The following POLN variants were observed in gnomAD, a reference collection of about 807,000 sequenced individuals.
The protein encoded by POLN is DNA polymerase N.
Under a neutral mutation model 113.5 loss-of-function variants are expected in POLN, and 108 were observed. That is an observed-to-expected ratio of 0.95 (90% CI 0.81 to 1.12). The LOEUF (loss-of-function observed/expected upper bound fraction) is 1.12. POLN is among the 50% of genes most tolerant of loss of function. The pLI is 0.00. For missense variants in POLN, 1,097 were observed against 1,077.1 expected (o/e 1.02, Z -0.26); for synonymous variants, 386 against 391.5 (o/e 0.99, Z 0.17).
At chr4:2,119,253 C>T (rs988067273) in intron 19 of POLN, among the ~76,000 whole-genome samples, 1 of 152,214 alleles carries the variant, frequency 6.6e-6, no homozygotes, top group African/African-American at 2.4e-5. Flanking sequence ...GAGTTGAATG[C>T]ACAGCTGATA....
At chr4:2,197,481 C>A (rs1012548791) in intron 6 of POLN, among the ~76,000 whole-genome samples, 76 of 152,108 alleles carry the variant, frequency 5.0e-4, no homozygotes, top group African/African-American at 1.8e-3. Context: ...GACAGCCAGG[C>A]CACAGGAGGC....
At chr4:2,084,965 TTC>T (rs777313438) in intron 21 of POLN, among the ~76,000 whole-genome samples, 54 of 152,254 alleles carry the variant, frequency 3.5e-4, no homozygotes, top group Non-Finnish European at 7.1e-4. Context: ...GCCCACAACT[TTC>T]TCTTTCTTTA....
chr4:2,094,317 T>C (rs1451073490), intron 20 of POLN, among the ~76,000 whole-genome samples: 2 of 133,038 alleles, frequency 1.5e-5, no homozygotes, highest in Admixed American at 8.8e-5. Flanking sequence ...GAGCCGAGAT[T>C]GTGCCACTGC....
At chr4:2,141,818 C>T (rs1453288058) in intron 16 of POLN, among the ~76,000 whole-genome samples, 1 of 152,180 alleles carries the variant, frequency 6.6e-6, no homozygotes, top group Non-Finnish European at 1.5e-5. Context: ...TTGGAGAGCT[C>T]GGCCCCCTCG....
Position 2,126,478 on chromosome 4 carries a change from G to A in POLN, c.1982+1635C>T, listed in dbSNP as rs943357149. ...GCACAGTAGGGACGAGGGTGGATGA[G>A]GTCTCGGCCCCTGGGCGCTGTCGCT... On this transcript the variant is annotated intron_variant, in intron 19 of 25. Coordinates refer to ENST00000511885, the MANE Select transcript of POLN (RefSeq NM_181808.4). The surrounding 1 kb of genome is among the most constrained non-coding windows in gnomAD (Gnocchi z 4.6). 6.6e-6 allele frequency among the ~76,000 whole-genome samples: 1 copy of A among 152,332 alleles called. No individual in the cohort carries two copies. The highest frequency in any genetic ancestry group is 1.9e-4 in the East Asian group (1 of 5,176).
At chr4:2,164,802 C>CAAAAAAAAA (rs33935159) in intron 13 of POLN, among the ~76,000 whole-genome samples, 1 of 28,722 alleles carries the variant, frequency 3.5e-5, no homozygotes, top group Non-Finnish European at 6.9e-5. Context: ...GACTCTGTCT[C>CAAAAAAAAA]AAAAAAAAAA....
chr4:2,092,542 C>A (rs1034080180), intron 20 of POLN, among the ~76,000 whole-genome samples: 8 of 152,340 alleles, frequency 5.3e-5, no homozygotes, highest in East Asian at 1.9e-4. Flanking sequence ...CCAGCTCCCC[C>A]ACGGTGGCTG....
intron 6 of POLN, among the ~76,000 whole-genome samples, chr4:2,194,335 CT>C (rs993111783): frequency 2.0e-5 from 3 of 152,238 alleles, no homozygotes; most frequent in Admixed American, 6.5e-5. Context: ...AATCAAGAGC[CT>C]AATGAGCTTT....
rs150460252 is a variant in POLN, at chr4:2,095,868, G to A, written c.2048C>T (p.Ala683Val). ...CAGCCTACCTGCTCCATAGACCACC[G>A]CGTACACCACCTTCTTGGTTTGCTC... is the stretch of plus-strand genomic sequence containing the variant. ...DREQTKKVVYAVVYGAGKERL... is the reference protein window; with the variant it reads ...DREQTKKVVYVVVYGAGKERL... The change falls in exon 20 of 26, where the codon GCG becomes GTG. Residue 683 changes from alanine (A) to valine (V), a missense_variant. Coordinates refer to ENST00000511885, the MANE Select transcript of POLN (RefSeq NM_181808.4). 173 of 1,613,974 alleles carry A rather than the reference G, an allele frequency of 1.1e-4. No homozygotes were observed. The African/African-American group carries it at 1.6e-3, about 15-fold the overall frequency.
intron 5 of POLN, among the ~76,000 whole-genome samples, chr4:2,206,649 G>T (rs1733852291): frequency 6.6e-6 from 1 of 152,176 alleles, no homozygotes; most frequent in Non-Finnish European, 1.5e-5. Flanking sequence ...ATGAAAAAAT[G>T]CTCATCATCA....
chr4:2,237,995 CCCT>C (rs1734827604), intron 2 of POLN, among the ~76,000 whole-genome samples: 1 of 152,042 alleles, frequency 6.6e-6, no homozygotes, highest in African/African-American at 2.4e-5. Flanking sequence ...CTATCCAGGC[CCCT>C]CATTTTATTA....
rs560104315 is a variant in POLN at position 2,132,494 on chromosome 4, A to G, written c.1732-1204T>C. Among the ~76,000 whole-genome samples, 5 of 152,370 alleles carry G rather than the reference A, an allele frequency of 3.3e-5. No homozygotes were observed. In the South Asian group the frequency reaches 1.0e-3, roughly 32 times the overall value. On this transcript the variant is annotated intron_variant, in intron 16 of 25. Coordinates refer to ENST00000511885, the MANE Select transcript of POLN (RefSeq NM_181808.4). ...TACTTTTTCCAATTTGAGAAGCTGAACAACCCTAAATATGGTAAATTAAAA... is the reference window on the plus strand; with the variant it reads ...TACTTTTTCCAATTTGAGAAGCTGAGCAACCCTAAATATGGTAAATTAAAA...
intron 23 of POLN, chr4:2,080,046 G>A: frequency 1.0e-6 from 1 of 985,530 alleles, no homozygotes; most frequent in Non-Finnish European, 1.2e-6. Flanking sequence ...GGCTCTTAGG[G>A]TGGGGGTGGG....
At chr4:2,095,649 CCT>C (rs969423663) in intron 20 of POLN, among the ~76,000 whole-genome samples, 200 bp downstream of exon 20, 4 of 152,312 alleles carry the variant, frequency 2.6e-5, no homozygotes, top group African/African-American at 9.6e-5. Flanking sequence ...CGCGGCCTCC[CCT>C]GAGAGGCTGG....
In POLN at chr4:2,080,169, A is replaced by G. The variant is rs1319915872; in HGVS notation, c.2387+789T>C. Reference sequence around the variant, plus strand: ...TCCGGGACTCCTGAGGGGATCCCGCACAAGGAGAACGAGGAGAGGAGGTGT... The same window carrying G: ...TCCGGGACTCCTGAGGGGATCCCGCGCAAGGAGAACGAGGAGAGGAGGTGT... On this transcript the variant is annotated intron_variant, in intron 23 of 25. Coordinates refer to ENST00000511885, the MANE Select transcript of POLN (RefSeq NM_181808.4). 29 of 986,200 alleles carry G rather than the reference A, an allele frequency of 2.9e-5. No homozygotes were observed. The Admixed American group carries it at 1.4e-3, about 46-fold the overall frequency. The allele number at this position is 986,200 out of a possible 1,614,324, so 61.1% of individuals were successfully genotyped here.
intron 16 of POLN, among the ~76,000 whole-genome samples, chr4:2,148,793 T>C (rs1005900725): frequency 1.3e-5 from 2 of 152,084 alleles, no homozygotes; most frequent in Admixed American, 1.3e-4. Flanking sequence ...TACTATATCA[T>C]AATCAAATTT....
chr4:2,227,897 T>A (rs1376394802), intron 3 of POLN: 5 of 152,170 alleles, frequency 3.3e-5, no homozygotes, highest in Non-Finnish European at 7.4e-5. Context: ...CAAAAAAATA[T>A]GGAATAATGT....
intron 19 of POLN, among the ~76,000 whole-genome samples, chr4:2,111,976 C>T (rs1290189906): frequency 2.6e-5 from 4 of 152,342 alleles, no homozygotes; most frequent in East Asian, 3.9e-4. Context: ...CGCTACCTGA[C>T]TTCAAACTAT....
rs1730836779 is a variant in POLN, at chr4:2,097,961, C to T, written c.1983-2028G>A. Among the ~76,000 whole-genome samples, 3 of 152,374 alleles carry T rather than the reference C, an allele frequency of 2.0e-5. No individual in the cohort carries two copies. In the East Asian group the frequency reaches 5.8e-4, roughly 29 times the overall value. On this transcript the variant is annotated intron_variant, in intron 19 of 25. Coordinates refer to ENST00000511885, the MANE Select transcript of POLN (RefSeq NM_181808.4). Reference sequence around the variant, plus strand: ...GGGGCTGTGTACCCCACCATTCTTGCTGACATCCCAGACTTCACTGATTTT... The same window carrying T: ...GGGGCTGTGTACCCCACCATTCTTGTTGACATCCCAGACTTCACTGATTTT...
Sources: gnomAD v4.1 joint callset for allele counts (sites outside exome capture counted in the v4.1 genomes callset) on GRCh38, gnomAD v4.1.1 for gene constraint, Gnocchi (gnomAD v3.1) non-coding constraint, MANE v1.5 for transcripts, NCBI Gene and HGNC (gene_info 2026-07-23, HGNC 2026-07-21) for gene names.